KCNH7: variants seen among roughly 807,000 people sequenced by gnomAD.
KCNH7 encodes voltage-gated inwardly rectifying potassium channel KCNH7.
Under a neutral mutation model 120.8 loss-of-function variants are expected in KCNH7, and 49 were observed. The observed-to-expected ratio is 0.41, with a 90% confidence interval of 0.32 to 0.51. KCNH7 has a LOEUF of 0.51. Ranked by LOEUF, KCNH7 falls within the 20% of genes least tolerant of loss-of-function variation. The probability of loss-of-function intolerance (pLI) is 0.38; values close to 1 mark genes in which losing one functional copy is unlikely to be tolerated. For synonymous variants in KCNH7, 547 were observed against 516.1 expected (o/e 1.06, Z -0.81); for missense variants, 1,097 against 1,446.6 (o/e 0.76, Z 3.92).
intron 13 of KCNH7, among the ~76,000 whole-genome samples, chr2:162,381,805 C>T (rs1404081089): frequency 6.6e-6 from 1 of 152,092 alleles, no homozygotes; most frequent in Non-Finnish European, 1.5e-5. Flanking sequence ...TTTTAAGTCA[C>T]TTATCTGCAG....
intron 2 of KCNH7, among the ~76,000 whole-genome samples, chr2:162,609,359 G>A (rs1360083834): frequency 6.6e-6 from 1 of 152,124 alleles, no homozygotes; most frequent in Non-Finnish European, 1.5e-5. Context: ...GTTGAGACTA[G>A]AGAATGCATT....
chr2:162,629,109 AG>A (rs1366340330), intron 2 of KCNH7, among the ~76,000 whole-genome samples: 1 of 152,080 alleles, frequency 6.6e-6, no homozygotes, highest in Non-Finnish European at 1.5e-5. Context: ...TGGAAATAGA[AG>A]TCTCCCACAC....
chr2:162,659,485 GC>G (rs941865139), intron 2 of KCNH7, among the ~76,000 whole-genome samples: 6 of 151,930 alleles, frequency 3.9e-5, no homozygotes, highest in Admixed American at 2.6e-4. Context: ...GGGATTACAG[GC>G]ATGCGCCACC....
At chr2:162,391,454 G>A (rs1686743042) in intron 12 of KCNH7, among the ~76,000 whole-genome samples, 1 of 152,024 alleles carries the variant, frequency 6.6e-6, no homozygotes, top group African/African-American at 2.4e-5. Context: ...TAGGCTCTTG[G>A]GCTCTGGTTA....
chr2:162,398,363 C>T (rs1426242787), intron 10 of KCNH7, among the ~76,000 whole-genome samples: 1 of 151,808 alleles, frequency 6.6e-6, no homozygotes, highest in African/African-American at 2.4e-5. Context: ...AACACTGTAT[C>T]TTAACTACGT....
intron 6 of KCNH7, among the ~76,000 whole-genome samples, chr2:162,463,200 G>A (rs1173433493): frequency 6.6e-6 from 1 of 151,800 alleles, no homozygotes; most frequent in Admixed American, 6.6e-5. Context: ...GCTTCATTAG[G>A]GACTCAGAAG....
intron 2 of KCNH7, among the ~76,000 whole-genome samples, chr2:162,546,881 T>C (rs1574086882): frequency 6.7e-6 from 1 of 149,458 alleles, no homozygotes; most frequent in Non-Finnish European, 1.5e-5. Context: ...CTCCTGGGGG[T>C]GTGATGGAGT....
intron 2 of KCNH7, among the ~76,000 whole-genome samples, chr2:162,553,321 CA>C (rs888783795): frequency 1.3e-4 from 20 of 152,182 alleles, no homozygotes; most frequent in African/African-American, 4.1e-4. Flanking sequence ...TAAAGAGCCA[CA>C]GGGGGCACTT....
chr2:162,563,882 G>A (rs1693157057), intron 2 of KCNH7, among the ~76,000 whole-genome samples: 1 of 152,080 alleles, frequency 6.6e-6, no homozygotes, highest in South Asian at 2.1e-4. Context: ...GGTGTGTACA[G>A]CAATGATTTA....
intron 8 of KCNH7, among the ~76,000 whole-genome samples, chr2:162,433,759 A>G (rs1232740166): frequency 1.3e-5 from 2 of 152,098 alleles, no homozygotes; most frequent in Non-Finnish European, 2.9e-5. Context: ...ATTGGGGAAT[A>G]TAAGCATTTA....
chr2:162,543,284 GCA>G (rs58051214), intron 2 of KCNH7, among the ~76,000 whole-genome samples: 28,290 of 148,974 alleles, frequency 0.19, 3,496 homozygotes, highest in Admixed American at 0.32. Context: ...ACACACATAC[GCA>G]CACACACACA....
intron 2 of KCNH7, among the ~76,000 whole-genome samples, chr2:162,573,968 C>T (rs1443040534): frequency 6.6e-6 from 1 of 151,862 alleles, no homozygotes; most frequent in African/African-American, 2.4e-5. Flanking sequence ...ATAAAAAGAA[C>T]AGAATAAACA....
chr2:162,603,778 A>G (rs986488880), intron 2 of KCNH7, among the ~76,000 whole-genome samples: 2 of 152,100 alleles, frequency 1.3e-5, no homozygotes, highest in African/African-American at 4.8e-5. Flanking sequence ...CACTGTCCTC[A>G]GTGTATTCTC....
intron 13 of KCNH7, among the ~76,000 whole-genome samples, chr2:162,383,383 T>C (rs1343727207): frequency 6.6e-6 from 1 of 151,966 alleles, no homozygotes; most frequent in Non-Finnish European, 1.5e-5. Context: ...TTGTGATAAA[T>C]GAGGTACTAT....
chr2:162,725,140 T>C (rs963591440), intron 2 of KCNH7, among the ~76,000 whole-genome samples: 2 of 152,340 alleles, frequency 1.3e-5, no homozygotes, highest in Non-Finnish European at 1.5e-5. Flanking sequence ...TAAGATTTAG[T>C]TACAACTTTG....
intron 10 of KCNH7, among the ~76,000 whole-genome samples, chr2:162,399,106 A>G (rs770665829): frequency 2.6e-4 from 40 of 151,788 alleles, no homozygotes; most frequent in Non-Finnish European, 3.2e-4. Context: ...AAATCATTGA[A>G]TTACATGCCC....
At chr2:162,639,045 T>C (rs1391268683) in intron 2 of KCNH7, among the ~76,000 whole-genome samples, 1 of 152,094 alleles carries the variant, frequency 6.6e-6, no homozygotes, top group African/African-American at 2.4e-5. Context: ...GCCTATTAGA[T>C]ACTAATAGCA....
At chr2:162,823,269 C>G (rs1349636994) in intron 2 of KCNH7, among the ~76,000 whole-genome samples, 4 of 151,942 alleles carry the variant, frequency 2.6e-5, no homozygotes, top group Non-Finnish European at 5.9e-5. Context: ...AGTATAGTCA[C>G]ATTGTAAGTG....
intron 13 of KCNH7, 80 bp downstream of exon 13, chr2:162,384,608 T>G: frequency 7.6e-7 from 1 of 1,314,426 alleles, no homozygotes; most frequent in Non-Finnish European, 1.1e-6. Flanking sequence ...CATGTGTCAG[T>G]ACAGTTCTTA....
Sources: gnomAD v4.1 joint callset for allele counts (sites outside exome capture counted in the v4.1 genomes callset) on GRCh38, gnomAD v4.1.1 for gene constraint, MANE v1.5 for transcripts, NCBI Gene and HGNC (gene_info 2026-07-23, HGNC 2026-07-21) for gene names.